Variants in BRINP3 observed in about 807,000 individuals in gnomAD.
BRINP3 encodes the protein BMP/retinoic acid-inducible neural-specific protein 3.
BRINP3 carries 19 observed loss-of-function variants against 71.0 expected under a neutral mutation model. That is an observed-to-expected ratio of 0.27 (90% CI 0.19 to 0.39). The LOEUF (loss-of-function observed/expected upper bound fraction) is 0.39. BRINP3 is among the 10% of genes least tolerant of loss of function. BRINP3 has a pLI of 1.00. For missense variants in BRINP3, 959 were observed against 940.8 expected (o/e 1.02, Z -0.25); for synonymous variants, 380 against 337.7 (o/e 1.13, Z -1.37).
intron 6 of BRINP3, among the ~76,000 whole-genome samples, chr1:190,176,089 C>T (rs1235656538): frequency 1.3e-5 from 2 of 152,082 alleles, no homozygotes; most frequent in Non-Finnish European, 2.9e-5. Flanking sequence ...CACGTTGCAC[C>T]ATATAACAAC....
At chr1:190,219,980 A>C (rs904712449) in intron 6 of BRINP3, among the ~76,000 whole-genome samples, 1 of 152,050 alleles carries the variant, frequency 6.6e-6, no homozygotes, top group Non-Finnish European at 1.5e-5. Flanking sequence ...TCAAAAGACC[A>C]AATTGAAGAA....
rs35361616 is a variant in BRINP3 at position 190,204,990 on chromosome 1, C to CA, written c.961+21091dup. ...GGATTCAACATATCATTTCCTTTGG[C>CA]AAAAAAAAAAAAAAATCAGCCCGGA... is the stretch of plus-strand genomic sequence containing the variant. On this transcript the variant is annotated intron_variant, in intron 6 of 7. Transcript: ENST00000367462. Among the ~76,000 whole-genome samples the CA allele has an allele frequency of 6.0e-3, 864 of 142,926 alleles. 3 individuals carry two copies. Among genetic ancestry groups the CA allele is most frequent in the African/African-American group, 0.014 (559 of 39,532 alleles). The allele number at this position is 142,926 out of a possible 152,430, so 93.8% of individuals were successfully genotyped here.
chr1:190,442,801 C>CGTGT (rs35183761), intron 2 of BRINP3, among the ~76,000 whole-genome samples: 105 of 132,736 alleles, frequency 7.9e-4, no homozygotes, highest in African/African-American at 8.8e-4. Context: ...CATGCCTGTG[C>CGTGT]GTGTGTGTGT....
chr1:190,172,184 G>A (rs1446290244), intron 6 of BRINP3, among the ~76,000 whole-genome samples: 1 of 148,422 alleles, frequency 6.7e-6, no homozygotes, highest in Admixed American at 6.9e-5. Flanking sequence ...TAAAAACAAT[G>A]TGATTAAATT....
At chr1:190,453,861 C>A (rs1236942796) in intron 2 of BRINP3, among the ~76,000 whole-genome samples, 2 of 152,072 alleles carry the variant, frequency 1.3e-5, no homozygotes, top group Non-Finnish European at 2.9e-5. Flanking sequence ...AAATGTTAAA[C>A]CATTAACTAG....
At chr1:190,103,776 T>A (rs1651902873) in intron 7 of BRINP3, among the ~76,000 whole-genome samples, 1 of 152,044 alleles carries the variant, frequency 6.6e-6, no homozygotes, top group Admixed American at 6.6e-5. Context: ...CAATAAAATT[T>A]ATAAACTGTA....
At chr1:190,238,701 C>A (rs1387113593) in intron 4 of BRINP3, among the ~76,000 whole-genome samples, 1 of 151,932 alleles carries the variant, frequency 6.6e-6, no homozygotes, top group Non-Finnish European at 1.5e-5. Flanking sequence ...TTAACTCGTA[C>A]AATCACTTTA....
At chr1:190,204,334 G>T (rs906488048) in intron 6 of BRINP3, among the ~76,000 whole-genome samples, 1 of 151,562 alleles carries the variant, frequency 6.6e-6, no homozygotes, top group African/African-American at 2.4e-5. Flanking sequence ...ATAGAAAAAC[G>T]CAGAAATATT....
intron 2 of BRINP3, among the ~76,000 whole-genome samples, chr1:190,416,959 A>T (rs1673042981): frequency 6.6e-6 from 1 of 152,182 alleles, no homozygotes; most frequent in Admixed American, 6.5e-5. Flanking sequence ...TCATCACTGT[A>T]CCTAAACCAG....
chr1:190,422,470 G>A (rs1673448736), intron 2 of BRINP3, among the ~76,000 whole-genome samples: 1 of 151,814 alleles, frequency 6.6e-6, no homozygotes, highest in Non-Finnish European at 1.5e-5. Context: ...AACTCTTGAT[G>A]AAAACTGACA....
intron 2 of BRINP3, among the ~76,000 whole-genome samples, chr1:190,386,918 A>C (rs906070187): frequency 6.6e-6 from 1 of 152,002 alleles, no homozygotes; most frequent in African/African-American, 2.4e-5. Context: ...ATTATTTTAA[A>C]GTGAGAAAAA....
chr1:190,149,219 T>C (rs573126140), intron 7 of BRINP3, among the ~76,000 whole-genome samples: 1 of 152,344 alleles, frequency 6.6e-6, no homozygotes, highest in South Asian at 2.1e-4. Flanking sequence ...AGTTCCAGGA[T>C]AATCTCTTTT....
intron 6 of BRINP3, among the ~76,000 whole-genome samples, chr1:190,192,836 G>T (rs779710745): frequency 6.6e-6 from 1 of 152,074 alleles, no homozygotes; most frequent in Non-Finnish European, 1.5e-5. Flanking sequence ...AGGAAGAACT[G>T]ATGTAACTGA....
intron 3 of BRINP3, among the ~76,000 whole-genome samples, chr1:190,279,617 C>T (rs550129463): frequency 2.6e-5 from 4 of 151,932 alleles, no homozygotes; most frequent in Non-Finnish European, 5.9e-5. Flanking sequence ...ACTTTTCCAT[C>T]TGCCTTAGCC....
At chr1:190,215,358 A>G (rs1656322211) in intron 6 of BRINP3, among the ~76,000 whole-genome samples, 1 of 151,924 alleles carries the variant, frequency 6.6e-6, no homozygotes, top group Non-Finnish European at 1.5e-5. Context: ...TCAAAGAAGG[A>G]GAATGAACAT....
intron 2 of BRINP3, among the ~76,000 whole-genome samples, chr1:190,424,319 T>C (rs1673564490): frequency 6.6e-6 from 1 of 151,718 alleles, no homozygotes; most frequent in East Asian, 1.9e-4. Context: ...TTCATAATCA[T>C]AAGTATTGCC....
At chr1:190,250,488 C>A (rs956795934) in intron 4 of BRINP3, among the ~76,000 whole-genome samples, 3 of 151,908 alleles carry the variant, frequency 2.0e-5, no homozygotes, top group Non-Finnish European at 4.4e-5. Flanking sequence ...TACTCACTTC[C>A]TTTCCAGTTA....
intron 2 of BRINP3, among the ~76,000 whole-genome samples, chr1:190,370,899 A>T (rs1669819465): frequency 6.6e-6 from 1 of 152,150 alleles, no homozygotes; most frequent in African/African-American, 2.4e-5. Context: ...AAATAATTTT[A>T]ATTTAATAAT....
chr1:190,227,097 A>C (rs1176013296), intron 5 of BRINP3, among the ~76,000 whole-genome samples: 1 of 151,924 alleles, frequency 6.6e-6, no homozygotes, highest in Non-Finnish European at 1.5e-5. Flanking sequence ...CTGGCTACTT[A>C]AGAATACTTA....
Sources: allele counts gnomAD v4.1 joint callset (sites outside exome capture counted in the v4.1 genomes callset), GRCh38; gene constraint gnomAD v4.1.1; transcripts MANE v1.5; gene names NCBI Gene and HGNC (gene_info 2026-07-23, HGNC 2026-07-21).